The following PLB1 variants were observed in gnomAD, a reference collection of about 807,000 sequenced individuals.
The protein encoded by PLB1 is phospholipase B1, also known as phospholipase B1, membrane-associated.
Under a neutral mutation model 227.4 loss-of-function variants are expected in PLB1, and 242 were observed. The observed-to-expected ratio is 1.06, with a 90% CI of 0.96 to 1.18. The LOEUF (loss-of-function observed/expected upper bound fraction) is 1.18. Among genes scored for constraint, PLB1 ranks in the 50% most tolerant of loss-of-function variants. The pLI is 0.00. For synonymous variants in PLB1, 757 were observed against 682.2 expected, an observed-to-expected ratio of 1.11 and a Z score of -1.71; for missense variants, 1,858 against 1,816.3, an observed-to-expected ratio of 1.02 and a Z score of -0.42.
intron 29 of PLB1, among the ~76,000 whole-genome samples, chr2:28,590,453 A>G (rs1192511839): frequency 1.3e-5 from 2 of 152,184 alleles, no homozygotes; most frequent in Non-Finnish European, 1.5e-5. Context: ...CCCTGCCTCC[A>G]TGACAATATG....
intron 56 of PLB1, among the ~76,000 whole-genome samples, chr2:28,635,669 CCCT>C (rs1351561585): frequency 6.7e-6 from 1 of 148,642 alleles, no homozygotes; most frequent in African/African-American, 2.4e-5. Context: ...CATCTCCTGC[CCCT>C]CCTCTCACGT....
At chr2:28,620,047 A>G (rs567598680) in intron 46 of PLB1, among the ~76,000 whole-genome samples, 7 of 152,292 alleles carry the variant, frequency 4.6e-5, no homozygotes, top group Admixed American at 2.6e-4. Context: ...GAGAGTGGAA[A>G]GGAGGAACCA....
chr2:28,519,266 G>T (rs911344611), intron 3 of PLB1, among the ~76,000 whole-genome samples: 1 of 152,188 alleles, frequency 6.6e-6, no homozygotes, highest in African/African-American at 2.4e-5. Context: ...CACAGGCTTT[G>T]AATGCTATTC....
chr2:28,516,048 G>GT (rs568694639), intron 1 of PLB1, among the ~76,000 whole-genome samples: 2 of 152,066 alleles, frequency 1.3e-5, no homozygotes, highest in Admixed American at 6.6e-5. Flanking sequence ...CATTGTGGGT[G>GT]TTTTTTTCCG....
intron 43 of PLB1, among the ~76,000 whole-genome samples, chr2:28,610,264 A>G (rs1685253474): frequency 6.6e-6 from 1 of 151,860 alleles, no homozygotes; most frequent in Non-Finnish European, 1.5e-5. Flanking sequence ...CTGTCCCCAA[A>G]TGTTCACACT....
At position 28,635,415 on chromosome 2, in the gene PLB1, C is replaced by T. The variant is rs982613519; in HGVS notation, c.4098+2376C>T. ...GCATAGAAACATGAAGCAGTTTGCCCAACATAACACAGACTGTTCATGGCA... is the reference window on the plus strand; with the variant it reads ...GCATAGAAACATGAAGCAGTTTGCCTAACATAACACAGACTGTTCATGGCA... On this transcript the variant is annotated intron_variant, in intron 56 of 57. Transcript: ENST00000327757. Among the ~76,000 whole-genome samples the T allele has an allele frequency of 1.7e-4, 26 of 152,266 alleles. 1 individual carries two copies. Among genetic ancestry groups the T allele is most frequent in the Admixed American group, 1.6e-3 (25 of 15,296 alleles).
intron 14 of PLB1, among the ~76,000 whole-genome samples, chr2:28,544,656 G>A (rs149589323): frequency 6.6e-6 from 1 of 152,296 alleles, no homozygotes; most frequent in East Asian, 1.9e-4. Flanking sequence ...GCTGGGCCAC[G>A]CACCAAGAAG....
rs1682402889 is a variant in PLB1, at chr2:28,593,736, A to G, written c.2303A>G (p.Tyr768Cys). 6.2e-7 allele frequency: 1 copy of G among 1,614,036 alleles called. No individual in the cohort carries two copies. Residue 768 changes from tyrosine to cysteine, a missense_variant, in exon 33 of 58, where the codon TAT becomes TGT. Coordinates refer to ENST00000327757, the MANE Select transcript of PLB1 (RefSeq NM_153021.5). ...GACCTCCCCGATGTCACCACACAGT[A>G]TCGGGGACTGTCATACAGGTAATGT... ...PDDLPDVTTQ[Y>C]RGLSYSAGGD... is the part of the protein sequence containing the mutation.
chr2:28,546,265 A>T (rs975852420), intron 14 of PLB1, among the ~76,000 whole-genome samples: 4 of 152,126 alleles, frequency 2.6e-5, no homozygotes, highest in African/African-American at 9.7e-5. Context: ...AGTCGTTTTG[A>T]AGGGGACCCA....
rs765091417 is a variant in PLB1 at position 28,516,810 on chromosome 2, A to AC, written c.62dup (p.Gln22SerfsTer7). 3 of 1,612,834 alleles carry AC rather than the reference A, an allele frequency of 1.9e-6. No individual in the cohort carries two copies. Among genetic ancestry groups the AC allele is most frequent in the Non-Finnish European group, 2.5e-6 (3 of 1,179,084 alleles). ...GAACTATTTCTGCTTTCTTTCAGGG[A>AC]CCCCTCAGATCCATACCTCTCCTAG... On this transcript the variant is annotated frameshift_variant, in exon 2 of 58. Transcript: ENST00000327757. LOFTEE classifies it high-confidence loss of function.
At chr2:28,597,029 TGA>T (rs969261182) in intron 33 of PLB1, among the ~76,000 whole-genome samples, 2 of 152,132 alleles carry the variant, frequency 1.3e-5, no homozygotes, top group African/African-American at 4.8e-5. Context: ...TTTGGGAGGC[TGA>T]GGCGGGCGAA....
At chr2:28,562,995 T>C in intron 17 of PLB1, 46 bp from the exon 18 acceptor site, 1 of 1,556,856 alleles carries the variant, frequency 6.4e-7, no homozygotes, top group Non-Finnish European at 8.9e-7. Context: ...GGTCCAGTGC[T>C]TTCCTGGAAG....
At chr2:28,515,887 TAAC>T (rs1377590347) in intron 1 of PLB1, among the ~76,000 whole-genome samples, 2 of 152,198 alleles carry the variant, frequency 1.3e-5, no homozygotes, top group African/African-American at 4.8e-5. Context: ...CAAAATTATG[TAAC>T]AACATTTAAA....
Position 28,580,146 on chromosome 2 carries a change from G to C in PLB1, c.1566+439G>C, listed in dbSNP as rs1176182845. Reference sequence around the variant, plus strand: ...TTCAGAGCCAAGTCATTCTGGGCTGGTGGGAAACCCAAGATCAAGGCTGCT... The same window carrying C: ...TTCAGAGCCAAGTCATTCTGGGCTGCTGGGAAACCCAAGATCAAGGCTGCT... On this transcript the variant is annotated intron_variant, in intron 23 of 57. Transcript: ENST00000327757. Among the ~76,000 whole-genome samples, 3 of 152,330 alleles carry C rather than the reference G, an allele frequency of 2.0e-5. No homozygotes were observed. The East Asian group carries it at 5.8e-4, about 29-fold the overall frequency.
Position 28,582,498 on chromosome 2 carries a change from A to G in PLB1, c.1726A>G (p.Ile576Val). 1 of 1,604,378 alleles carries G rather than the reference A, an allele frequency of 6.2e-7. No individual in the cohort carries two copies. The highest frequency in any genetic ancestry group is 8.5e-7 in the Non-Finnish European group (1 of 1,174,336). ...QEKKVYCPRM[I>V]LRSLCPCVLK... ...GAAAAAAGTCTACTGCCCAAGGATG[A>G]TCCTCAGGTCAGACAGATACTTCTC... The change falls in exon 25 of 58, where the codon ATC becomes GTC. Residue 576 changes from isoleucine to valine, a missense_variant. By Grantham distance (29) the Ile-to-Val change is conservative. Transcript: ENST00000327757.
chr2:28,506,844 G>T (rs1667689730), intron 1 of PLB1, among the ~76,000 whole-genome samples: 1 of 152,164 alleles, frequency 6.6e-6, no homozygotes, highest in Non-Finnish European at 1.5e-5. Flanking sequence ...GCTCTGGGAA[G>T]GGTAAGTGCT....
intron 31 of PLB1, among the ~76,000 whole-genome samples, chr2:28,592,184 A>G (rs918583967): frequency 6.6e-6 from 1 of 152,038 alleles, no homozygotes; most frequent in African/African-American, 2.4e-5. Flanking sequence ...GAAAGGCCCA[A>G]CATGGCTATT....
At position 28,552,433 on chromosome 2, in the gene PLB1, G is replaced by A. The variant is rs143815048; in HGVS notation, c.1084-495G>A. On this transcript the variant is annotated intron_variant, in intron 16 of 57. Transcript: ENST00000327757. ...TGGACTTTTTGCTGAAGTTAATATG[G>A]TGTAGTAACTTATTTGTTCAACTAA... is the stretch of plus-strand genomic sequence containing the variant. Among the ~76,000 whole-genome samples, 156 of 152,324 alleles carry A rather than the reference G, an allele frequency of 1.0e-3. 1 individual carries two copies. Among genetic ancestry groups the A allele is most frequent in the African/African-American group, 3.6e-3 (150 of 41,556 alleles).
chr2:28,613,948 GGGC>G, intron 43 of PLB1, 80 bp from the exon 44 acceptor site: 2 of 1,073,090 alleles, frequency 1.9e-6, no homozygotes, highest in Non-Finnish European at 2.9e-6. Context: ...TAAATCTACA[GGGC>G]AGGATTGTTA....
Sources: gnomAD v4.1 joint callset for allele counts (sites outside exome capture counted in the v4.1 genomes callset) on GRCh38, gnomAD v4.1.1 for gene constraint, MANE v1.5 for transcripts, NCBI Gene and HGNC (gene_info 2026-07-23, HGNC 2026-07-21) for gene names.